The following MARCHF1 variants were observed in gnomAD, a reference collection of about 807,000 sequenced individuals.
The protein encoded by MARCHF1 is membrane associated ring-CH-type finger 1.
MARCHF1 carries 40 observed loss-of-function variants against 54.2 expected under a neutral mutation model. The ratio of observed to expected loss-of-function variants is 0.74; its 90% CI spans 0.57 to 0.96. MARCHF1 has a LOEUF of 0.96. MARCHF1 is among the 40% of genes least tolerant of loss of function. MARCHF1 has a pLI of 0.00. For synonymous variants in MARCHF1, 236 were observed against 236.3 expected (o/e 1.00, Z 0.01); for missense variants, 586 against 656.5 (o/e 0.89, Z 1.17).
At chr4:164,091,877 T>C (rs1174291319) in intron 2 of MARCHF1, among the ~76,000 whole-genome samples, 2 of 151,462 alleles carry the variant, frequency 1.3e-5, no homozygotes, top group Admixed American at 1.3e-4. Flanking sequence ...TGTGTGTGTG[T>C]GTGTGTGTGT....
chr4:163,848,715 C>T (rs114666576), intron 4 of MARCHF1, among the ~76,000 whole-genome samples: 1,764 of 152,180 alleles, frequency 0.012, 45 homozygotes, highest in African/African-American at 0.041. Context: ...GGCCACTTCC[C>T]GCCCTTAGGT....
chr4:164,179,399 G>C (rs13353658), intron 1 of MARCHF1, among the ~76,000 whole-genome samples: 1 of 151,976 alleles, frequency 6.6e-6, no homozygotes, highest in African/African-American at 2.4e-5. Context: ...GACAAAGTAT[G>C]TAATACTTGA....
At chr4:163,817,469 C>CAG (rs892830118) in intron 4 of MARCHF1, among the ~76,000 whole-genome samples, 1 of 149,866 alleles carries the variant, frequency 6.7e-6, no homozygotes, top group Admixed American at 6.7e-5. Context: ...GAGCAACACA[C>CAG]ACACACACAC....
intron 4 of MARCHF1, among the ~76,000 whole-genome samples, chr4:163,723,842 A>T (rs887340052): frequency 2.0e-5 from 3 of 152,094 alleles, no homozygotes; most frequent in African/African-American, 7.2e-5. Flanking sequence ...TGCATTTGTC[A>T]CGTAGTTCTT....
At chr4:163,964,050 G>A (rs1355562951) in intron 3 of MARCHF1, among the ~76,000 whole-genome samples, 1 of 151,838 alleles carries the variant, frequency 6.6e-6, no homozygotes, top group Non-Finnish European at 1.5e-5. Context: ...TAAGCCAAAG[G>A]GTTTTCTGGG....
chr4:163,705,676 C>T (rs1258283933), intron 4 of MARCHF1, among the ~76,000 whole-genome samples: 1 of 151,746 alleles, frequency 6.6e-6, no homozygotes, highest in Non-Finnish European at 1.5e-5. Context: ...GAAGGAAACC[C>T]CTTATAGTAA....
At chr4:163,894,447 A>C (rs187803646) in intron 3 of MARCHF1, among the ~76,000 whole-genome samples, 1 of 151,854 alleles carries the variant, frequency 6.6e-6, no homozygotes, top group Non-Finnish European at 1.5e-5. Context: ...ATGAAAGATT[A>C]ATAAAGAGAT....
intron 3 of MARCHF1, among the ~76,000 whole-genome samples, chr4:163,916,806 G>C (rs1011805788): frequency 2.6e-5 from 4 of 152,096 alleles, no homozygotes; most frequent in Non-Finnish European, 5.9e-5. Flanking sequence ...TCACACAAGA[G>C]TGCTACATCA....
intron 1 of MARCHF1, among the ~76,000 whole-genome samples, chr4:164,283,082 T>G (rs1734064984): frequency 6.6e-6 from 1 of 151,206 alleles, no homozygotes; most frequent in Non-Finnish European, 1.5e-5. Context: ...CAGATTCACA[T>G]GATAGTGTAG....
chr4:163,575,532 G>T (rs1022910196), intron 8 of MARCHF1, among the ~76,000 whole-genome samples: 1 of 151,826 alleles, frequency 6.6e-6, no homozygotes, highest in Non-Finnish European at 1.5e-5. Context: ...TTGTGTCTTG[G>T]CCAGGGTTGT....
rs140703566 is a variant in MARCHF1, at chr4:163,712,721, A to G, written c.112-11858T>C. Among the ~76,000 whole-genome samples the G allele has an allele frequency of 6.8e-4, 104 of 152,332 alleles. 1 individual carries two copies. The East Asian group carries it at 0.02, about 29-fold the overall frequency. ...ACATACGAGAATTTCCTGGTTGAAC[A>G]AATAGACACAAGGACTTAAATACGG... On this transcript the variant is annotated intron_variant, in intron 4 of 9. Transcript: ENST00000514618.
chr4:163,705,807 GT>G, intron 4 of MARCHF1, among the ~76,000 whole-genome samples: 1 of 152,072 alleles, frequency 6.6e-6, no homozygotes, highest in East Asian at 1.9e-4. Flanking sequence ...TTGTTTTAGA[GT>G]TTTTAGCAAA....
intron 4 of MARCHF1, among the ~76,000 whole-genome samples, chr4:163,747,922 T>C (rs1466996145): frequency 6.6e-6 from 1 of 152,170 alleles, no homozygotes; most frequent in Admixed American, 6.5e-5. Context: ...CTGACTCTAG[T>C]GGCCAGAGAG....
intron 2 of MARCHF1, among the ~76,000 whole-genome samples, chr4:164,034,076 T>TAGAC: frequency 1.6e-5 from 1 of 60,660 alleles, no homozygotes; most frequent in South Asian, 4.6e-4. Context: ...GACAGATAGA[T>TAGAC]AGATAGATAG....
At chr4:163,930,480 T>G (rs1314366633) in intron 3 of MARCHF1, among the ~76,000 whole-genome samples, 1 of 140,072 alleles carries the variant, frequency 7.1e-6, no homozygotes, top group African/African-American at 2.6e-5. Flanking sequence ...AAAATGGTGT[T>G]TTTTTTTTTT....
At chr4:164,242,452 G>A (rs11946279) in intron 1 of MARCHF1, among the ~76,000 whole-genome samples, 15,026 of 143,266 alleles carry the variant, frequency 0.1, 876 homozygotes, top group African/African-American at 0.23. Flanking sequence ...AAACAGAAAG[G>A]ACATCCACAC....
intron 5 of MARCHF1, among the ~76,000 whole-genome samples, chr4:163,620,614 G>C (rs1190008303): frequency 0.085 from 5,156 of 60,990 alleles, 263 homozygotes; most frequent in African/African-American, 0.24. Context: ...CACAGAGAGA[G>C]AGAGAGAGAG....
intron 4 of MARCHF1, among the ~76,000 whole-genome samples, chr4:163,803,198 A>G (rs1038356859): frequency 2.0e-5 from 3 of 152,088 alleles, no homozygotes; most frequent in Non-Finnish European, 4.4e-5. Context: ...TTTGAGATAG[A>G]GTTTCACTCT....
chr4:164,052,710 T>C (rs974091734), intron 2 of MARCHF1, among the ~76,000 whole-genome samples: 1 of 152,252 alleles, frequency 6.6e-6, no homozygotes, highest in African/African-American at 2.4e-5. Flanking sequence ...GAAGAACTGA[T>C]GCAATTTGAG....
Sources: allele counts gnomAD v4.1 joint callset (sites outside exome capture counted in the v4.1 genomes callset), GRCh38; gene constraint gnomAD v4.1.1; transcripts MANE v1.5; gene names NCBI Gene and HGNC (gene_info 2026-07-23, HGNC 2026-07-21).